Variants in TMPRSS9 observed in about 807,000 individuals in gnomAD.
The protein encoded by TMPRSS9 is transmembrane protease serine 9.
TMPRSS9 carries 113 observed loss-of-function variants against 111.4 expected under a neutral mutation model. The ratio of observed to expected loss-of-function variants is 1.01; its 90% CI spans 0.87 to 1.19. TMPRSS9 has a LOEUF of 1.19. TMPRSS9 is among the 50% of genes most tolerant of loss of function. The probability of loss-of-function intolerance (pLI) is 0.00; values close to 1 mark genes in which losing one functional copy is unlikely to be tolerated. For missense variants in TMPRSS9, 1,803 were observed against 1,513.1 expected (o/e 1.19, Z -3.18); for synonymous variants, 805 against 659.1 (o/e 1.22, Z -3.39).
chr19:2,405,518 T>C lies in TMPRSS9; in HGVS notation c.815T>C (p.Leu272Pro), dbSNP rs1174346302. ...GCCGCCATCATCAACGCCAGGTGGC[T>C]GGTGTCTGCTGCTCACTGCTTCAAT... is the stretch of plus-strand genomic sequence containing the variant. Residue 272 changes from leucine to proline, a missense_variant, in exon 7 of 18, where the codon CTG (leucine) becomes CCG (proline). Transcript: ENST00000648592. 1.3e-6 allele frequency: 2 copies of C among 1,595,400 alleles called. No homozygotes were observed. The highest frequency in any genetic ancestry group is 1.8e-5 in the Admixed American group (1 of 56,024).
At chr19:2,399,536 A>G (rs1431125465) in intron 4 of TMPRSS9, among the ~76,000 whole-genome samples, 1 of 152,182 alleles carries the variant, frequency 6.6e-6, no homozygotes, top group African/African-American at 2.4e-5. Context: ...AGATCGTGCC[A>G]TTGCACTCCA....
At chr19:2,408,497 T>G (rs62120713) in exon 8 of TMPRSS9, 101,405 of 1,613,814 alleles carry the variant, frequency 0.063, 5,509 homozygotes, top group East Asian at 0.31. Context: ...TTGACGTGGC[T>G]GTGCTGGAGC....
At chr19:2,364,932 T>A (rs1225908875) in intron 1 of TMPRSS9, among the ~76,000 whole-genome samples, 1 of 149,620 alleles carries the variant, frequency 6.7e-6, no homozygotes, top group East Asian at 2.0e-4. Flanking sequence ...TGAGCCAGGA[T>A]CGCGCCACTG....
At position 2,383,672 on chromosome 19, in the gene TMPRSS9, G is replaced by C. The variant is rs114091555; in HGVS notation, c.-25-6089G>C. ...ATTTTTTAACTTAGCTGGCATAGTG[G>C]TACACATCCATATTCCAGCTACTCT... On this transcript the variant is annotated intron_variant, in intron 1 of 17. Transcript: ENST00000649857. 3.0e-3 allele frequency among the ~76,000 whole-genome samples: 262 copies of C among 86,582 alleles called. 19 individuals are homozygous for C. The highest frequency in any genetic ancestry group is 0.01 in the African/African-American group (253 of 24,844). The allele number at this position is 86,582 out of a possible 152,430, so 56.8% of individuals were successfully genotyped here. A position where few individuals can be genotyped will look rare whatever the true frequency, so the allele number is the denominator to read the frequency against.
At chr19:2,370,261 TA>T (rs140163022) in intron 1 of TMPRSS9, among the ~76,000 whole-genome samples, 27,595 of 150,660 alleles carry the variant, frequency 0.18, 3,854 homozygotes, top group African/African-American at 0.38. Flanking sequence ...CTACTAAAAA[TA>T]ACAAAAAAAT....
At chr19:2,367,258 G>C (rs1599273656) in intron 1 of TMPRSS9, among the ~76,000 whole-genome samples, 2 of 152,182 alleles carry the variant, frequency 1.3e-5, no homozygotes, top group African/African-American at 2.4e-5. Flanking sequence ...ATAACCTTGG[G>C]CAAGTTACCT....
At chr19:2,389,552 G>T (rs1176915079), upstream of TMPRSS9, among the ~76,000 whole-genome samples, 1 of 151,920 alleles carries the variant, frequency 6.6e-6, no homozygotes, top group African/African-American at 2.4e-5. Flanking sequence ...ATTTTTAGTA[G>T]AGATGGGGTT....
chr19:2,363,738 G>T (rs1158696213), intron 1 of TMPRSS9, among the ~76,000 whole-genome samples: 1 of 151,302 alleles, frequency 6.6e-6, no homozygotes, highest in African/African-American at 2.4e-5. Context: ...TAACAGGGAA[G>T]CTGCCCAGCA....
chr19:2,370,657 A>T (rs1396006404), intron 1 of TMPRSS9, among the ~76,000 whole-genome samples: 1 of 152,162 alleles, frequency 6.6e-6, no homozygotes, highest in African/African-American at 2.4e-5. Context: ...TGGACTTTGC[A>T]TTATAATGAG....
At chr19:2,384,391 G>C (rs1970428237) in intron 1 of TMPRSS9, among the ~76,000 whole-genome samples, 1 of 152,178 alleles carries the variant, frequency 6.6e-6, no homozygotes, top group Non-Finnish European at 1.5e-5. Context: ...ATGTAAGCTA[G>C]AGAACCAGGT....
At position 2,403,208 on chromosome 19, in the gene TMPRSS9, G is replaced by A. The variant is rs778232887; in HGVS notation, c.670+13G>A. On this transcript the variant is annotated intron_variant, in intron 6 of 17. Transcript: ENST00000648592. Reference sequence around the variant, plus strand: ...GAGGCGCACTGCGGTCAGTCTGCCTGTCTGGCCTGGTCTCTGGGCCCCTTC... The same window carrying A: ...GAGGCGCACTGCGGTCAGTCTGCCTATCTGGCCTGGTCTCTGGGCCCCTTC... 15 of 1,588,178 alleles carry A rather than the reference G, an allele frequency of 9.4e-6. No homozygotes were observed. In the East Asian group the frequency reaches 3.2e-4, roughly 34 times the overall value.
chr19:2,412,649 G>A (rs1412993227), intron 9 of TMPRSS9, among the ~76,000 whole-genome samples: 1 of 152,092 alleles, frequency 6.6e-6, no homozygotes, highest in African/African-American at 2.4e-5. Flanking sequence ...CACATGGGCT[G>A]GGCTGCCACT....
At chr19:2,408,518 T>C in exon 8 of TMPRSS9, 1 of 1,613,834 alleles carries the variant, frequency 6.2e-7, no homozygotes, top group Non-Finnish European at 8.5e-7. Context: ...TGACCAGCCC[T>C]CTGCCTTTCG....
exon 15 of TMPRSS9, chr19:2,424,214 G>T: frequency 6.9e-7 from 1 of 1,440,916 alleles, no homozygotes; most frequent in Non-Finnish European, 9.2e-7. Context: ...GGCCGTGCTG[G>T]TGGCAGAGAG....
exon 18 of TMPRSS9, chr19:2,426,194 G>T (rs997900512): frequency 7.8e-6 from 11 of 1,407,026 alleles, no homozygotes; most frequent in Middle Eastern, 2.3e-4. Flanking sequence ...GGTGTGGGGG[G>T]GCTGTGGGTC....
At chr19:2,395,881 G>A (rs573164914) in intron 1 of TMPRSS9, among the ~76,000 whole-genome samples, 4 of 151,958 alleles carry the variant, frequency 2.6e-5, no homozygotes, top group African/African-American at 4.8e-5. Context: ...GGTCGTGGGT[G>A]CCTGTAGTCC....
chr19:2,376,801 C>G (rs983224818), intron 1 of TMPRSS9, among the ~76,000 whole-genome samples: 1 of 152,152 alleles, frequency 6.6e-6, no homozygotes, highest in Non-Finnish European at 1.5e-5. Flanking sequence ...CTGTCAGATT[C>G]TCTGTACCAA....
chr19:2,425,205 C>CG lies in TMPRSS9; in HGVS notation c.2922dup (p.Pro975AlafsTer68). ...CGTCCCATCTGCCTGCCCGAGCCCG[C>CG]GCCGCGACCCCCGGACGGCACGCGC... On this transcript the variant is annotated frameshift_variant, in exon 16 of 18. Coordinates refer to ENST00000648592, the Ensembl canonical transcript of TMPRSS9. LOFTEE classifies it high-confidence loss of function. 2 of 1,509,690 alleles carry CG rather than the reference C, an allele frequency of 1.3e-6. No individual in the cohort carries two copies. The highest frequency in any genetic ancestry group is 2.1e-5 in the Admixed American group (1 of 48,670). 93.5% of individuals were successfully genotyped at this position (1,509,690 alleles called of 1,614,324 possible).
exon 18 of TMPRSS9, chr19:2,426,115 C>G (rs938687215): frequency 1.3e-6 from 2 of 1,590,128 alleles, no homozygotes; most frequent in African/African-American, 1.4e-5. Flanking sequence ...CAGGCCGAGA[C>G]TCTACGTGAA....
Sources: allele counts gnomAD v4.1 joint callset (sites outside exome capture counted in the v4.1 genomes callset), GRCh38; gene constraint gnomAD v4.1.1; transcripts MANE v1.5; gene names NCBI Gene and HGNC (gene_info 2026-07-23, HGNC 2026-07-21).